The following FRA10AC1 variants were observed in gnomAD, a reference collection of about 807,000 sequenced individuals.
FRA10AC1 encodes FRA10A associated CGG repeat 1, also known as protein FRA10AC1.
FRA10AC1 carries 43 observed loss-of-function variants against 56.5 expected under a neutral mutation model. The ratio of observed to expected loss-of-function variants is 0.76; its 90% CI spans 0.60 to 0.98. The LOEUF is 0.98. FRA10AC1 is among the 50% of genes least tolerant of loss of function. FRA10AC1 has a pLI of 0.00. For missense variants in FRA10AC1, 346 were observed against 351.8 expected (o/e 0.98, Z 0.13); for synonymous variants, 112 against 110.5 (o/e 1.01, Z -0.09).
intron 1 of FRA10AC1, among the ~76,000 whole-genome samples, chr10:93,700,473 G>T (rs1215505113): frequency 2.0e-5 from 3 of 152,136 alleles, no homozygotes; most frequent in Non-Finnish European, 4.4e-5. Context: ...CACCAACTTT[G>T]TTCTAGACAT....
chr10:93,693,511 CCAT>C, intron 5 of FRA10AC1, among the ~76,000 whole-genome samples: 1 of 18,808 alleles, frequency 5.3e-5, no homozygotes, highest in Non-Finnish European at 1.4e-4. Flanking sequence ...TATATATACA[CCAT>C]ATATATATAT....
chr10:93,694,731 A>C (rs2059200280), intron 5 of FRA10AC1, 130 bp downstream of exon 5: 1 of 472,018 alleles, frequency 2.1e-6, no homozygotes, highest in African/African-American at 2.2e-5. Flanking sequence ...AAAAAAAAAA[A>C]AAAAAAAAAA....
chr10:93,677,173 C>G (rs543024304), intron 11 of FRA10AC1, among the ~76,000 whole-genome samples: 46 of 151,970 alleles, frequency 3.0e-4, no homozygotes, highest in Non-Finnish European at 6.0e-4. Context: ...ATTCTCAGCT[C>G]TACAATGGTC....
intron 5 of FRA10AC1, 36 bp downstream of exon 5, chr10:93,694,825 C>A: frequency 8.1e-7 from 1 of 1,231,316 alleles, no homozygotes; most frequent in South Asian, 1.2e-5. Context: ...TTCCCATAAC[C>A]CACATTCCCT....
At chr10:93,688,996 T>C (rs1453661782) in intron 7 of FRA10AC1, among the ~76,000 whole-genome samples, 1 of 152,074 alleles carries the variant, frequency 6.6e-6, no homozygotes, top group Admixed American at 6.6e-5. Context: ...CACCGGATTG[T>C]TATAGTAAGA....
intron 7 of FRA10AC1, 159 bp downstream of exon 7, chr10:93,691,850 C>G: frequency 1.4e-6 from 1 of 700,192 alleles, no homozygotes; most frequent in Non-Finnish European, 2.2e-6. Flanking sequence ...AACTCCACAG[C>G]TGCAGAGGTT....
At chr10:93,688,993 T>C (rs1328030922) in intron 7 of FRA10AC1, among the ~76,000 whole-genome samples, 14 of 151,986 alleles carry the variant, frequency 9.2e-5, no homozygotes, top group Non-Finnish European at 7.4e-5. Context: ...GTTCACCGGA[T>C]TGTTATAGTA....
chr10:93,693,480 GTGTATATA>G lies in FRA10AC1; in HGVS notation c.297-759_297-752del, dbSNP rs758176452. Among the ~76,000 whole-genome samples the G allele has an allele frequency of 3.5e-4, 7 of 19,758 alleles. 1 individual carries two copies. The highest frequency in any genetic ancestry group is 3.3e-3 in the East Asian group (1 of 300). The allele number at this position is 19,758 out of a possible 152,430, so 13.0% of individuals were successfully genotyped here. ...AGTGGATAAAGAAAATGTGGTGTGTGTGTATATATATATATATATATATATATACACCA... is the reference window on the plus strand; with the variant it reads ...AGTGGATAAAGAAAATGTGGTGTGTGTATATATATATATATATATACACCA... On this transcript the variant is annotated intron_variant, in intron 5 of 13. Coordinates refer to ENST00000359204, the MANE Select transcript of FRA10AC1 (RefSeq NM_145246.5).
intron 10 of FRA10AC1, among the ~76,000 whole-genome samples, 154 bp downstream of exon 10, chr10:93,683,902 C>T (rs1336369601): frequency 6.6e-6 from 1 of 152,142 alleles, no homozygotes; most frequent in Non-Finnish European, 1.5e-5. Context: ...TTCTAAACCC[C>T]TCGTTTATGT....
upstream of FRA10AC1, among the ~76,000 whole-genome samples, chr10:93,702,735 C>G (rs1408187423): frequency 6.6e-6 from 1 of 152,056 alleles, no homozygotes; most frequent in African/African-American, 2.4e-5. Context: ...CAGCTTTCGC[C>G]AAGTCGCGGC....
rs60832838 is a variant in FRA10AC1 at position 93,702,522 on chromosome 10, A to ACCACCGCCG, written c.-149_-148insCGGCGGTGG. ...GCCGCACAGCCTCGCCACAACCACC[A>ACCACCGCCG]CCGCCGCCGCCGCCGCCGCCGCCGC... On this transcript the variant is annotated 5_prime_UTR_variant, in exon 1 of 14. Transcript: ENST00000359204. 2,454 of 215,964 alleles carry ACCACCGCCG rather than the reference A, an allele frequency of 0.011. 118 individuals carry two copies. The highest frequency in any genetic ancestry group is 0.049 in the African/African-American group (1,995 of 40,990). 13.4% of individuals were successfully genotyped at this position (215,964 alleles called of 1,614,324 possible).
intron 5 of FRA10AC1, among the ~76,000 whole-genome samples, chr10:93,694,446 T>G (rs1338944423): frequency 6.6e-6 from 1 of 152,052 alleles, no homozygotes; most frequent in East Asian, 1.9e-4. Context: ...CCAGGTGCAG[T>G]GGCTCACGCC....
chr10:93,674,485 A>G (rs937215609), intron 12 of FRA10AC1: 9 of 152,210 alleles, frequency 5.9e-5, no homozygotes, highest in African/African-American at 2.2e-4. Flanking sequence ...TATATGTTTC[A>G]TGCTTGCTAT....
At chr10:93,688,129 A>T (rs1200690275) in intron 7 of FRA10AC1, among the ~76,000 whole-genome samples, 1 of 152,200 alleles carries the variant, frequency 6.6e-6, no homozygotes, top group Non-Finnish European at 1.5e-5. Flanking sequence ...GTTCTTCATT[A>T]AGTGAATGGA....
chr10:93,692,180 C>A, intron 6 of FRA10AC1, 87 bp from the exon 7 acceptor site: 1 of 875,242 alleles, frequency 1.1e-6, no homozygotes, highest in Non-Finnish European at 1.6e-6. Flanking sequence ...ATACATACTA[C>A]ATAAATATTA....
At chr10:93,691,953 A>C in intron 7 of FRA10AC1, 56 bp downstream of exon 7, 1 of 1,502,572 alleles carries the variant, frequency 6.7e-7, no homozygotes, top group Non-Finnish European at 9.0e-7. Flanking sequence ...AGTATAATAA[A>C]AGTTAATATT....
intron 1 of FRA10AC1, among the ~76,000 whole-genome samples, chr10:93,701,948 C>T (rs928607850): frequency 1.3e-5 from 2 of 152,080 alleles, no homozygotes; most frequent in Non-Finnish European, 2.9e-5. Flanking sequence ...AGATGGCTGA[C>T]CTCATACGAA....
intron 11 of FRA10AC1, among the ~76,000 whole-genome samples, chr10:93,678,293 T>C (rs2058877231): frequency 6.6e-6 from 1 of 152,072 alleles, no homozygotes; most frequent in Non-Finnish European, 1.5e-5. Context: ...TCCTCATACC[T>C]GCCAAAGCAG....
rs371193065 is a variant in FRA10AC1, at chr10:93,698,191, C to T, written c.174-10G>A. 2.2e-5 allele frequency: 34 copies of T among 1,571,634 alleles called. No individual in the cohort carries two copies. In the East Asian group the frequency reaches 7.7e-4, roughly 36 times the overall value. On this transcript the variant is annotated splice_polypyrimidine_tract_variant and intron_variant, in intron 3 of 13. Coordinates refer to ENST00000359204, the MANE Select transcript of FRA10AC1 (RefSeq NM_145246.5). ...ATTTCTTGCTTCTTCCCTGTTAAAA[C>T]AAATTTTTTTAAGAAAATTCAAAAT...
Sources: gnomAD v4.1 joint callset for allele counts (sites outside exome capture counted in the v4.1 genomes callset) on GRCh38, gnomAD v4.1.1 for gene constraint, MANE v1.5 for transcripts, NCBI Gene and HGNC (gene_info 2026-07-23, HGNC 2026-07-21) for gene names.